The following EBF1 variants were observed in gnomAD, a reference collection of about 807,000 sequenced individuals.
EBF1 encodes transcription factor COE1.
EBF1 carries 10 observed loss-of-function variants against 68.4 expected under a neutral mutation model. That is an observed-to-expected ratio of 0.15 (90% CI 0.09 to 0.25). The LOEUF (loss-of-function observed/expected upper bound fraction) is 0.25. EBF1 is among the 10% of genes least tolerant of loss of function. EBF1 has a pLI of 1.00. For missense variants in EBF1, 509 were observed against 794.4 expected, an observed-to-expected ratio of 0.64 and a Z score of 4.32; for synonymous variants, 298 against 299.8, an observed-to-expected ratio of 0.99 and a Z score of 0.06.
intron 6 of EBF1, among the ~76,000 whole-genome samples, chr5:158,921,995 GAGAC>G (rs1381668541): frequency 2.0e-5 from 3 of 152,230 alleles, no homozygotes; most frequent in African/African-American, 4.8e-5. Flanking sequence ...GAGAGAGACA[GAGAC>G]AGACAGCGAA....
chr5:158,954,309 A>G (rs1302558302), intron 6 of EBF1, among the ~76,000 whole-genome samples: 1 of 152,202 alleles, frequency 6.6e-6, no homozygotes, highest in African/African-American at 2.4e-5. Context: ...ACCCAGGCCA[A>G]GGAAGCTGTG....
chr5:158,880,105 A>T (rs894069932), intron 6 of EBF1, among the ~76,000 whole-genome samples: 1 of 152,338 alleles, frequency 6.6e-6, no homozygotes, highest in East Asian at 1.9e-4. Context: ...CACTTCGCAA[A>T]TCGCCCCACG....
In EBF1 at chr5:158,730,396, A is replaced by G. The variant is rs528066406; in HGVS notation, c.1125+673T>C. On this transcript the variant is annotated intron_variant, in intron 11 of 15. Transcript: ENST00000313708. ...TGGGGATATCCCAAACATTCACAAC[A>G]GGTATGCAATAGTCAATAAAGGTCA... is the stretch of plus-strand genomic sequence containing the variant. 1.3e-4 allele frequency among the ~76,000 whole-genome samples: 20 copies of G among 152,360 alleles called. No homozygotes were observed. The South Asian group carries it at 2.5e-3, about 19-fold the overall frequency.
At chr5:159,073,271 T>G (rs1561949134) in intron 6 of EBF1, 125 bp downstream of exon 6, 2 of 946,064 alleles carry the variant, frequency 2.1e-6, no homozygotes, top group Non-Finnish European at 3.3e-6. Flanking sequence ...CAGCACAGCG[T>G]AAGTCATGAC....
Position 158,892,168 on chromosome 5 carries a change from G to A in EBF1, c.555-52058C>T, listed in dbSNP as rs77019833. 1.6e-3 allele frequency among the ~76,000 whole-genome samples: 236 copies of A among 151,904 alleles called. 8 individuals are homozygous for A. In the East Asian group the frequency reaches 0.043, roughly 27 times the overall value. On this transcript the variant is annotated intron_variant, in intron 6 of 15. Coordinates refer to ENST00000313708, the MANE Select transcript of EBF1 (RefSeq NM_024007.5). Reference sequence around the variant, plus strand: ...TTCAACAATATTTTACTCTTCCACCGTTATATACAGGTTAAGCATCCCTAA... The same window carrying A: ...TTCAACAATATTTTACTCTTCCACCATTATATACAGGTTAAGCATCCCTAA...
At chr5:158,996,901 T>C (rs930322559) in intron 6 of EBF1, among the ~76,000 whole-genome samples, 3 of 152,216 alleles carry the variant, frequency 2.0e-5, no homozygotes, top group African/African-American at 7.2e-5. Flanking sequence ...CCAACTTCGA[T>C]TGTAGAATTT....
chr5:158,881,925 C>A (rs1178134940), intron 6 of EBF1, among the ~76,000 whole-genome samples: 5 of 152,188 alleles, frequency 3.3e-5, no homozygotes, highest in Non-Finnish European at 2.9e-5. Context: ...CCCCACCTCC[C>A]TTCACAGGGC....
chr5:159,041,902 G>A (rs923198357), intron 6 of EBF1, among the ~76,000 whole-genome samples: 5 of 152,166 alleles, frequency 3.3e-5, no homozygotes, highest in Admixed American at 2.0e-4. Context: ...AGGCCATGAC[G>A]AGATTTAACT....
intron 10 of EBF1, among the ~76,000 whole-genome samples, chr5:158,750,282 G>A (rs184534154): frequency 1.3e-5 from 2 of 152,166 alleles, no homozygotes; most frequent in East Asian, 1.9e-4. Flanking sequence ...TTCCCAGTGG[G>A]GTTTACTTGT....
At chr5:158,994,387 T>C (rs981155571) in intron 6 of EBF1, among the ~76,000 whole-genome samples, 1 of 152,190 alleles carries the variant, frequency 6.6e-6, no homozygotes, top group African/African-American at 2.4e-5. Context: ...TAACTCTTGA[T>C]CTTAGAGTCA....
chr5:158,716,611 G>C (rs1040821421), intron 11 of EBF1, among the ~76,000 whole-genome samples: 1 of 152,154 alleles, frequency 6.6e-6, no homozygotes, highest in African/African-American at 2.4e-5. Context: ...CATGTGATTT[G>C]GCTTCTATTA....
At chr5:158,826,447 A>AT (rs1347272587) in intron 7 of EBF1, among the ~76,000 whole-genome samples, 9 of 152,278 alleles carry the variant, frequency 5.9e-5, no homozygotes, top group Non-Finnish European at 8.8e-5. Flanking sequence ...TGAACAGGGA[A>AT]TTTTTTTATC....
intron 6 of EBF1, among the ~76,000 whole-genome samples, chr5:159,032,161 C>A (rs780214171): frequency 1.3e-5 from 2 of 152,078 alleles, no homozygotes; most frequent in Non-Finnish European, 2.9e-5. Flanking sequence ...AACAATAGAA[C>A]AACTACCACT....
chr5:158,924,562 G>A (rs1809173432), intron 6 of EBF1, among the ~76,000 whole-genome samples: 1 of 152,096 alleles, frequency 6.6e-6, no homozygotes, highest in African/African-American at 2.4e-5. Flanking sequence ...TTTTAAAAAT[G>A]ATAAACTGGG....
rs1282254880 is a variant in EBF1 at position 158,814,768 on chromosome 5, T to C, written c.778+8408A>G. Among the ~76,000 whole-genome samples the C allele has an allele frequency of 2.0e-5, 3 of 152,122 alleles. No homozygotes were observed. The East Asian group carries it at 5.8e-4, about 29-fold the overall frequency. ...AGATGAGTTAGGACATTCTTGCAAA[T>C]AAATAAAATATTACCAGCATCCTTA... On this transcript the variant is annotated intron_variant, in intron 8 of 15. Coordinates refer to ENST00000313708, the MANE Select transcript of EBF1 (RefSeq NM_024007.5).
At chr5:159,084,232 A>G (rs1332185096) in intron 5 of EBF1, among the ~76,000 whole-genome samples, 1 of 152,202 alleles carries the variant, frequency 6.6e-6, no homozygotes, top group Non-Finnish European at 1.5e-5. Context: ...TCATATTTTC[A>G]AGTGGGAGAA....
chr5:158,741,683 A>G (rs1450922634), intron 10 of EBF1, among the ~76,000 whole-genome samples: 4 of 152,138 alleles, frequency 2.6e-5, no homozygotes, highest in Admixed American at 6.5e-5. Context: ...GTTTCCCTCA[A>G]GTTTGAAATA....
intron 11 of EBF1, among the ~76,000 whole-genome samples, chr5:158,727,023 C>T (rs1037097240): frequency 2.0e-5 from 3 of 152,218 alleles, no homozygotes; most frequent in Non-Finnish European, 2.9e-5. Context: ...GACAACAATG[C>T]CGTGAGGCAG....
intron 6 of EBF1, among the ~76,000 whole-genome samples, chr5:158,848,371 T>C (rs1229250635): frequency 1.3e-5 from 2 of 152,224 alleles, no homozygotes; most frequent in African/African-American, 4.8e-5. Flanking sequence ...GAAGCCAGCA[T>C]AATCATTTCA....
Sources: allele counts gnomAD v4.1 joint callset (sites outside exome capture counted in the v4.1 genomes callset), GRCh38; gene constraint gnomAD v4.1.1; transcripts MANE v1.5; gene names NCBI Gene and HGNC (gene_info 2026-07-23, HGNC 2026-07-21).